SFTPB: variants seen among roughly 807,000 people sequenced by gnomAD.
SFTPB encodes the protein pulmonary surfactant-associated protein B.
Under a neutral mutation model 51.0 loss-of-function variants are expected in SFTPB, and 32 were observed. The ratio of observed to expected loss-of-function variants is 0.63; its 90% CI spans 0.47 to 0.84. The LOEUF (loss-of-function observed/expected upper bound fraction) is 0.84. Among genes scored for constraint, SFTPB ranks in the 40% least tolerant of loss-of-function variants. SFTPB has a pLI of 0.00. For synonymous variants in SFTPB, 211 were observed against 208.5 expected, an observed-to-expected ratio of 1.01 and a Z score of -0.10; for missense variants, 431 against 491.2, an observed-to-expected ratio of 0.88 and a Z score of 1.16.
At position 85,665,723 on chromosome 2, in the gene SFTPB, C is replaced by A. The variant is rs1553380888; in HGVS notation, c.465G>T (p.Gly155=). Residue 155 remains glycine, a synonymous_variant, in exon 5 of 11, where the codon GGG becomes GGT. Transcript: ENST00000519937. ...SRQPEPEQEP[G]MSDPLPKPLR... The stretch of plus-strand genomic sequence containing the variant: ...GAGGTTTGGGCAGGGGGTCTGACAT[C>A]CCTGGCTCCTGCTCTGGCTCTGGCT... The A allele has an allele frequency of 3.1e-6, 5 of 1,614,216 alleles. No homozygotes were observed. The highest frequency in any genetic ancestry group is 4.2e-6 in the Non-Finnish European group (5 of 1,180,026).
In SFTPB at chr2:85,663,852, G is replaced by C; in HGVS notation, c.673-5C>G. 6.3e-7 allele frequency: 1 copy of C among 1,577,454 alleles called. No homozygotes were observed. Among genetic ancestry groups the C allele is most frequent in the Non-Finnish European group, 8.6e-7 (1 of 1,167,332 alleles). On this transcript the variant is annotated splice_region_variant and splice_polypyrimidine_tract_variant and intron_variant, in intron 6 of 10. Coordinates refer to ENST00000519937, the MANE Select transcript of SFTPB (RefSeq NM_000542.5). ...CACTGCCACAGCTAGCGCACCCTGGGGCGGGGGCGGAGAGAGGCCAGCATG... is the reference window on the plus strand; with the variant it reads ...CACTGCCACAGCTAGCGCACCCTGGCGCGGGGGCGGAGAGAGGCCAGCATG...
Position 85,661,661 on chromosome 2 carries a change from G to C in SFTPB, c.1084-126C>G, listed in dbSNP as rs3024832. Reference sequence around the variant, plus strand: ...TGGGTGCTACCAGTGTGACTCTGTAGACCCCTCGGGCCACTCCCTGAGCCA... The same window carrying C: ...TGGGTGCTACCAGTGTGACTCTGTACACCCCTCGGGCCACTCCCTGAGCCA... On this transcript the variant is annotated intron_variant, in intron 9 of 10. Transcript: ENST00000519937. 21,933 of 771,144 alleles carry C rather than the reference G, an allele frequency of 0.028. 397 individuals carry two copies. Among genetic ancestry groups the C allele is most frequent in the Non-Finnish European group, 0.038 (17,572 of 463,280 alleles). 47.8% of individuals were successfully genotyped at this position (771,144 alleles called of 1,614,324 possible).
chr2:85,662,666 C>T (rs1427693643), intron 8 of SFTPB, among the ~76,000 whole-genome samples: 1 of 151,958 alleles, frequency 6.6e-6, no homozygotes, highest in South Asian at 2.1e-4. Context: ...TATGGTGAAA[C>T]CTTGTCTCTA....
chr2:85,665,169 C>T (rs1677508293), intron 6 of SFTPB, 120 bp downstream of exon 6: 1 of 839,176 alleles, frequency 1.2e-6, no homozygotes, highest in Non-Finnish European at 2.1e-6. Context: ...TCTCTCCCCT[C>T]CTAACTTCTG....
intron 4 of SFTPB, among the ~76,000 whole-genome samples, chr2:85,666,315 AGCTG>A (rs1677604046): frequency 8.9e-6 from 1 of 111,968 alleles, no homozygotes; most frequent in African/African-American, 3.3e-5. Flanking sequence ...GTGTGTTTCC[AGCTG>A]GCTGGGGTAC....
chr2:85,662,487 C>G (rs1677359270), intron 8 of SFTPB, among the ~76,000 whole-genome samples: 5 of 152,174 alleles, frequency 3.3e-5, no homozygotes, highest in Admixed American at 3.3e-4. Context: ...ACAGTGTGGA[C>G]AGCTGCCTCC....
At chr2:85,663,966 G>A in intron 6 of SFTPB, 119 bp from the exon 7 acceptor site, 3 of 970,002 alleles carry the variant, frequency 3.1e-6, no homozygotes, top group Non-Finnish European at 3.1e-6. Flanking sequence ...AGAAGGGAGG[G>A]CAAGGCTATT....
intron 8 of SFTPB, 100 bp from the exon 9 acceptor site, chr2:85,662,209 T>C: frequency 6.5e-7 from 1 of 1,540,428 alleles, no homozygotes; most frequent in South Asian, 1.2e-5. Flanking sequence ...TAGGGCTCCC[T>C]CCCGACTCCT....
upstream of SFTPB, chr2:85,668,321 T>G (rs904403416): frequency 2.5e-6 from 2 of 791,690 alleles, no homozygotes; most frequent in African/African-American, 3.4e-5. Context: ...TGATCCCACC[T>G]TTTCCCAGCA....
At chr2:85,667,082 C>T (rs1343960899) in intron 3 of SFTPB, 24 bp downstream of exon 3, 1 of 1,583,798 alleles carries the variant, frequency 6.3e-7, no homozygotes, top group African/African-American at 1.3e-5. Context: ...CCCCAACCTT[C>T]ATCCAGGATC....
At position 85,663,492 on chromosome 2, in the gene SFTPB, C is replaced by G; in HGVS notation, c.857-1G>C. On this transcript the variant is annotated splice_acceptor_variant, in intron 7 of 10. Transcript: ENST00000519937. LOFTEE classifies it high-confidence loss of function. ...GGCAGCCATTCTCCTGTCGGCGACC[C>G]TGGAGATGTGAGCATTAGGGGGAAA... is the stretch of plus-strand genomic sequence containing the variant. The G allele has an allele frequency of 6.2e-7, 1 of 1,613,704 alleles. No individual in the cohort carries two copies.
chr2:85,661,265 T>A, intron 10 of SFTPB, 189 bp downstream of exon 10: 1 of 502,878 alleles, frequency 2.0e-6, no homozygotes, highest in Admixed American at 3.1e-5. Context: ...GTGCTCGGGG[T>A]CCGGAAAGGG....
chr2:85,662,724 C>T (rs1422343899), intron 8 of SFTPB, among the ~76,000 whole-genome samples: 6 of 151,828 alleles, frequency 4.0e-5, no homozygotes, highest in Admixed American at 1.3e-4. Flanking sequence ...GCCTGTAATC[C>T]CAGCTACTCA....
rs1381325916 is a variant in SFTPB at position 85,662,086 on chromosome 2, G to A, written c.1026C>T (p.His342=). ...REKCKQFVEQ[H]TPQLLTLVPR... is the part of the protein sequence containing the mutation. ...GCACCAGGGTCAGCAGCTGGGGCGT[G>A]TGCTGCTCCACAAATTGCTTGCACT... The change falls in exon 9 of 11, where the codon CAC becomes CAT. Residue 342 remains histidine (H), a synonymous_variant. Transcript: ENST00000519937. The A allele has an allele frequency of 6.9e-6, 11 of 1,602,614 alleles. No individual in the cohort carries two copies. In the Admixed American group the frequency reaches 1.9e-4, roughly 28 times the overall value.
At position 85,663,734 on chromosome 2, in the gene SFTPB, C is replaced by A; in HGVS notation, c.786G>T (p.Leu262=). 1.2e-6 allele frequency: 2 copies of A among 1,611,342 alleles called. No individual in the cohort carries two copies. The highest frequency in any genetic ancestry group is 1.7e-6 in the Non-Finnish European group (2 of 1,179,112). Residue 262 remains leucine, a synonymous_variant, in exon 7 of 11, where the codon CTG becomes CTT. Coordinates refer to ENST00000519937, the MANE Select transcript of SFTPB (RefSeq NM_000542.5). ...RYSVILLDTL[L]GRMLPQLVCR... is the part of the protein sequence containing the mutation. ...AGACCAGCTGGGGCAGCATGCGGCC[C>A]AGCAGCGTGTCGAGCAGGATGACGG...
At chr2:85,663,289 T>C (rs867850625) in intron 8 of SFTPB, 57 bp downstream of exon 8, 16 of 1,600,438 alleles carry the variant, frequency 1.0e-5, no homozygotes, top group Middle Eastern at 1.7e-4. Flanking sequence ...TTTCCTGGGC[T>C]CAGCCTTCTG....
chr2:85,665,510 C>T (rs34520179), intron 5 of SFTPB, 96 bp downstream of exon 5: 557 of 1,489,858 alleles, frequency 3.7e-4, no homozygotes, highest in Admixed American at 9.3e-4. Context: ...ATCACCTTCC[C>T]GGCTCTGCCT....
At chr2:85,662,291 G>C in intron 8 of SFTPB, 182 bp from the exon 9 acceptor site, 1 of 1,454,362 alleles carries the variant, frequency 6.9e-7, no homozygotes. Flanking sequence ...TGAAATGGAG[G>C]ACTTCCATCA....
In SFTPB at chr2:85,663,765, C is replaced by T. The variant is rs748482999; in HGVS notation, c.755G>A (p.Arg252His). The T allele has an allele frequency of 1.9e-5, 30 of 1,607,436 alleles. No individual in the cohort carries two copies. The highest frequency in any genetic ancestry group is 2.7e-5 in the African/African-American group (2 of 74,828). Residue 252 changes from arginine to histidine, a missense_variant, in exon 7 of 11, where the codon CGC (arginine) becomes CAC (histidine). Transcript: ENST00000519937. Reference sequence around the variant, plus strand: ...CGTGTCGAGCAGGATGACGGAGTAGCGCTCAGCCAGGCACTGGCAGATGCC... The same window carrying T: ...CGTGTCGAGCAGGATGACGGAGTAGTGCTCAGCCAGGCACTGGCAGATGCC... ...AGGICQCLAE[R>H]YSVILLDTLL...
Sources: gnomAD v4.1 joint callset for allele counts (sites outside exome capture counted in the v4.1 genomes callset) on GRCh38, gnomAD v4.1.1 for gene constraint, MANE v1.5 for transcripts, NCBI Gene and HGNC (gene_info 2026-07-23, HGNC 2026-07-21) for gene names.